The following POLB variants were observed in gnomAD, a reference collection of about 807,000 sequenced individuals.
The protein encoded by POLB is DNA polymerase beta.
Under a neutral mutation model 52.7 loss-of-function variants are expected in POLB, and 37 were observed. The ratio of observed to expected loss-of-function variants is 0.70; its 90% CI spans 0.54 to 0.92. The LOEUF is 0.92. POLB is among the 40% of genes least tolerant of loss of function. POLB has a pLI of 0.00. For synonymous variants in POLB, 138 were observed against 131.3 expected, an observed-to-expected ratio of 1.05 and a Z score of -0.35; for missense variants, 313 against 400.8, an observed-to-expected ratio of 0.78 and a Z score of 1.87.
intron 2 of POLB, chr8:42,342,182 C>G (rs1822243112): frequency 3.9e-6 from 6 of 1,549,528 alleles, no homozygotes; most frequent in Non-Finnish European, 4.4e-6. Context: ...AGTGGTAGTT[C>G]TGGCAAGGCC....
At chr8:42,368,311 A>G (rs1342790501) in intron 11 of POLB, among the ~76,000 whole-genome samples, 1 of 152,228 alleles carries the variant, frequency 6.6e-6, no homozygotes, top group South Asian at 2.1e-4. Flanking sequence ...GGTAGGTTTC[A>G]TATTTTGAAG....
intron 6 of POLB, among the ~76,000 whole-genome samples, chr8:42,353,111 A>C (rs1823079325): frequency 6.6e-6 from 1 of 151,226 alleles, no homozygotes; most frequent in African/African-American, 2.4e-5. Flanking sequence ...CAACCTCTTG[A>C]CTTAAAAGCA....
At chr8:42,358,535 A>G (rs911228275) in intron 9 of POLB, among the ~76,000 whole-genome samples, 4 of 152,316 alleles carry the variant, frequency 2.6e-5, no homozygotes, top group Non-Finnish European at 5.9e-5. Context: ...TAAAATTGGA[A>G]TAGAAAAACC....
intron 4 of POLB, among the ~76,000 whole-genome samples, 178 bp from the exon 5 acceptor site, chr8:42,349,829 A>C (rs3136744): frequency 0.092 from 14,060 of 152,210 alleles, 1,233 homozygotes; most frequent in African/African-American, 0.23. Flanking sequence ...AGACATCTTC[A>C]GTTACTCTGT....
intron 11 of POLB, chr8:42,369,006 G>C (rs895021196): frequency 3.3e-5 from 9 of 269,518 alleles, no homozygotes; most frequent in Admixed American, 2.7e-4. Flanking sequence ...GGTTTTCTTT[G>C]ATTAGTTTCT....
intron 2 of POLB, among the ~76,000 whole-genome samples, chr8:42,343,941 C>T (rs1822423003): frequency 6.6e-6 from 1 of 151,866 alleles, no homozygotes; most frequent in Non-Finnish European, 1.5e-5. Context: ...TGAGCCTGGC[C>T]AACATGGTGA....
intron 6 of POLB, among the ~76,000 whole-genome samples, chr8:42,353,761 A>G (rs767576542): frequency 3.3e-5 from 5 of 152,134 alleles, no homozygotes; most frequent in East Asian, 1.9e-4. Context: ...TCCCACCTCC[A>G]CTACTTTATT....
chr8:42,371,749 G>A lies in POLB; in HGVS notation c.*92G>A, dbSNP rs780904981. ...GTAAGGGTCTTTGGTGTTTTTAAAT[G>A]ATTGTTTCTTCTTCATGCTTTTGCT... On this transcript the variant is annotated 3_prime_UTR_variant, in exon 14 of 14. Transcript: ENST00000265421. 1.3e-6 allele frequency: 1 copy of A among 743,972 alleles called. No homozygotes were observed. Among genetic ancestry groups the A allele is most frequent in the Non-Finnish European group, 2.4e-6 (1 of 419,520 alleles). The allele number at this position is 743,972 out of a possible 1,614,324, so 46.1% of individuals were successfully genotyped here.
At chr8:42,366,104 GA>G (rs113409823) in intron 11 of POLB, among the ~76,000 whole-genome samples, 197 of 140,918 alleles carry the variant, frequency 1.4e-3, no homozygotes, top group East Asian at 3.1e-3. Flanking sequence ...CCTCCCAAAG[GA>G]AAAAAAAAAA....
At chr8:42,345,565 C>T (rs1369180483) in intron 3 of POLB, among the ~76,000 whole-genome samples, 2 of 152,112 alleles carry the variant, frequency 1.3e-5, no homozygotes, top group East Asian at 3.8e-4. Context: ...ATATAATACC[C>T]CTTATCTGAA....
intron 6 of POLB, 74 bp downstream of exon 6, chr8:42,352,642 C>T (rs1454185188): frequency 2.2e-6 from 2 of 906,944 alleles, no homozygotes; most frequent in African/African-American, 3.3e-5. Flanking sequence ...TAACAAACTT[C>T]AACTTGAAAA....
At chr8:42,358,979 C>A (rs1432771261) in intron 9 of POLB, among the ~76,000 whole-genome samples, 1 of 152,226 alleles carries the variant, frequency 6.6e-6, no homozygotes, top group Non-Finnish European at 1.5e-5. Context: ...GGAAGCACAG[C>A]AAGCCAAATG....
intron 4 of POLB, 67 bp downstream of exon 4, chr8:42,349,157 T>C (rs1287677264): frequency 9.3e-6 from 8 of 857,592 alleles, no homozygotes; most frequent in Middle Eastern, 2.3e-4. Flanking sequence ...TGTAGCGTCA[T>C]TGCAGGGTGA....
intron 6 of POLB, among the ~76,000 whole-genome samples, 162 bp downstream of exon 6, chr8:42,352,730 T>G (rs1823050192): frequency 6.6e-6 from 1 of 152,212 alleles, no homozygotes; most frequent in Admixed American, 6.5e-5. Flanking sequence ...GGGTATAGTT[T>G]ATATTACCAT....
chr8:42,363,869 T>G (rs1823872919), intron 11 of POLB, among the ~76,000 whole-genome samples: 1 of 151,376 alleles, frequency 6.6e-6, no homozygotes, highest in South Asian at 2.1e-4. Context: ...AGCAGATTAA[T>G]AAATGATTCT....
At chr8:42,344,913 T>G (rs747649753) in intron 2 of POLB, 40 bp from the exon 3 acceptor site, 14 of 1,265,172 alleles carry the variant, frequency 1.1e-5, no homozygotes, top group Non-Finnish European at 1.6e-5. Flanking sequence ...AAGGCCTTGA[T>G]GGATTTCTAA....
Position 42,369,104 on chromosome 8 carries a change from T to C in POLB, c.709-167T>C, listed in dbSNP as rs539748229. 1.9e-5 allele frequency: 9 copies of C among 473,700 alleles called. No individual in the cohort carries two copies. The East Asian group carries it at 2.7e-4, about 14-fold the overall frequency. 29.3% of individuals were successfully genotyped at this position (473,700 alleles called of 1,614,324 possible). A position where few individuals can be genotyped will look rare whatever the true frequency, so the allele number is the denominator to read the frequency against. On this transcript the variant is annotated intron_variant, in intron 11 of 13. Coordinates refer to ENST00000265421, the MANE Select transcript of POLB (RefSeq NM_002690.3). ...GTTCTCTAATTATCGTGAAGTGTAA[T>C]AGAAAGGTAGGGATAGTGTATTGCT... is the stretch of plus-strand genomic sequence containing the variant.
At chr8:42,364,334 G>A (rs1823911483) in intron 11 of POLB, among the ~76,000 whole-genome samples, 1 of 152,110 alleles carries the variant, frequency 6.6e-6, no homozygotes, top group African/African-American at 2.4e-5. Context: ...ACCTTCCAGG[G>A]TTCAAGCAAT....
chr8:42,371,768 T>C lies in POLB; in HGVS notation c.*111T>C, dbSNP rs747969618. The C allele has an allele frequency of 5.9e-6, 4 of 677,328 alleles. No homozygotes were observed. The South Asian group carries it at 6.5e-5, about 11-fold the overall frequency. The allele number at this position is 677,328 out of a possible 1,614,324, so 42.0% of individuals were successfully genotyped here. A position where few individuals can be genotyped will look rare whatever the true frequency, so the allele number is the denominator to read the frequency against. ...TTAAATGATTGTTTCTTCTTCATGC[T>C]TTTGCTTGCAATGTAGTCAATAAAA... On this transcript the variant is annotated 3_prime_UTR_variant, in exon 14 of 14. Transcript: ENST00000265421.
Sources: gnomAD v4.1 joint callset for allele counts (sites outside exome capture counted in the v4.1 genomes callset) on GRCh38, gnomAD v4.1.1 for gene constraint, MANE v1.5 for transcripts, NCBI Gene and HGNC (gene_info 2026-07-23, HGNC 2026-07-21) for gene names.